The following LPIN1 variants were observed in gnomAD, a reference collection of about 807,000 sequenced individuals.
LPIN1 encodes lipin 1.
In LPIN1, 71 loss-of-function variants were observed where a neutral mutation model predicts 107.5. The observed-to-expected ratio is 0.66, with a 90% confidence interval of 0.55 to 0.80. The LOEUF is 0.80. LPIN1 is among the 30% of genes least tolerant of loss of function. The pLI, the probability that LPIN1 is intolerant of heterozygous loss-of-function variation, is 0.00. For synonymous variants in LPIN1, 445 were observed against 452.6 expected (o/e 0.98, Z 0.21); for missense variants, 1,043 against 1,160.6 (o/e 0.90, Z 1.47).
At chr2:11,727,568 T>C (rs142271119) in intron 1 of LPIN1, among the ~76,000 whole-genome samples, 3 of 152,160 alleles carry the variant, frequency 2.0e-5, no homozygotes, top group South Asian at 2.1e-4. Flanking sequence ...TCCCTCTCAG[T>C]GGAAAAGAGA....
Position 11,771,647 on chromosome 2 carries a change from G to C in LPIN1, c.564G>C (p.Ser188=), listed in dbSNP as rs149765431. Residue 188 remains serine, a synonymous_variant, in exon 4 of 21, where the codon TCG becomes TCC. Transcript: ENST00000674199. This position sits in a 1 kb window ranked among gnomAD's most constrained non-coding sequence, Gnocchi z 4.8. ...DEDMFPIEMS[S]DEAMELLESS... is the part of the protein sequence containing the mutation. ...ACATGTTCCCCATCGAGATGAGCTC[G>C]GATGAGGCCATGGAGCTGCTGGAGA... The C allele has an allele frequency of 9.4e-6, 15 of 1,599,348 alleles. No homozygotes were observed. The highest frequency in any genetic ancestry group is 1.2e-5 in the Non-Finnish European group (14 of 1,173,150).
At chr2:11,684,094 C>T (rs1009980819) in intron 1 of LPIN1, among the ~76,000 whole-genome samples, 47 of 152,210 alleles carry the variant, frequency 3.1e-4, no homozygotes, top group South Asian at 2.1e-4. Context: ...AGTCTGTGAA[C>T]CTCTGGCAGG....
At chr2:11,725,058 G>A (rs576543604) in intron 1 of LPIN1, among the ~76,000 whole-genome samples, 6 of 152,120 alleles carry the variant, frequency 3.9e-5, no homozygotes, top group East Asian at 1.9e-4. Flanking sequence ...TCAGGAGATC[G>A]AGACCATCCC....
rs139484953 is a variant in LPIN1 at position 11,749,286 on chromosome 2, A to G, written c.-10+2615A>G. Among the ~76,000 whole-genome samples, 593 of 152,248 alleles carry G rather than the reference A, an allele frequency of 3.9e-3. 5 individuals carry two copies. Among genetic ancestry groups the G allele is most frequent in the African/African-American group, 0.014 (577 of 41,548 alleles). ...AGGGTCTGGAGAGAGAGAGGGGCCC[A>G]TGCCTGTGTGTCGAGGGGACACACC... On this transcript the variant is annotated intron_variant, in intron 1 of 20. Coordinates refer to ENST00000674199, the MANE Select transcript of LPIN1 (RefSeq NM_001349206.2).
rs995013798 is a variant in LPIN1 at position 11,802,767 on chromosome 2, C to T, written c.1887-140C>T. The stretch of plus-strand genomic sequence containing the variant: ...AGTGAGAGTTCATTGATAAATTTAA[C>T]GTCTTATGGTAAATGACCACCCGAG... On this transcript the variant is annotated intron_variant, in intron 14 of 20. Transcript: ENST00000674199. The T allele has an allele frequency of 9.9e-6, 9 of 911,230 alleles. No individual in the cohort carries two copies. The East Asian group carries it at 1.7e-4, about 17-fold the overall frequency. 56.4% of individuals were successfully genotyped at this position (911,230 alleles called of 1,614,324 possible).
At chr2:11,799,302 C>T (rs999907630) in intron 14 of LPIN1, among the ~76,000 whole-genome samples, 1 of 152,074 alleles carries the variant, frequency 6.6e-6, no homozygotes, top group Non-Finnish European at 1.5e-5. Flanking sequence ...GCCTTGCCTC[C>T]TCATCCCGCC....
chr2:11,680,638 G>C (rs1400290313), intron 1 of LPIN1, among the ~76,000 whole-genome samples: 3 of 152,226 alleles, frequency 2.0e-5, no homozygotes, highest in Non-Finnish European at 4.4e-5. Flanking sequence ...GCTGACGGGG[G>C]TGGAGCTTTC....
intron 12 of LPIN1, among the ~76,000 whole-genome samples, chr2:11,789,202 A>T (rs6744682): frequency 0.43 from 64,852 of 152,186 alleles, 17,819 homozygotes; most frequent in African/African-American, 0.78. Flanking sequence ...CAGCCAGTTC[A>T]AACACTTGAG....
At chr2:11,778,618 TC>T in intron 6 of LPIN1, among the ~76,000 whole-genome samples, 1 of 152,204 alleles carries the variant, frequency 6.6e-6, no homozygotes, top group Non-Finnish European at 1.5e-5. Flanking sequence ...AAGCTTTATT[TC>T]CTGCTTTGTC....
At chr2:11,792,210 G>A (rs890849914) in intron 13 of LPIN1, 4 of 544,576 alleles carry the variant, frequency 7.3e-6, no homozygotes, top group African/African-American at 3.8e-5. Flanking sequence ...CAGCATAGGT[G>A]TCACCTCCTG....
At chr2:11,702,773 T>TCTGTCTCTCTGCCTCTCC (rs1662936992) in intron 1 of LPIN1, among the ~76,000 whole-genome samples, 1 of 152,328 alleles carries the variant, frequency 6.6e-6, no homozygotes, top group East Asian at 1.9e-4. Context: ...TCTGTCTCTC[T>TCTGTCTCTCTGCCTCTCC]CTGTCTCTCT....
At chr2:11,685,234 C>A (rs1166279971) in intron 1 of LPIN1, among the ~76,000 whole-genome samples, 2 of 152,126 alleles carry the variant, frequency 1.3e-5, no homozygotes, top group East Asian at 3.9e-4. Flanking sequence ...TTGAGGAATG[C>A]CAAGAGGCCA....
At chr2:11,779,727 C>A in intron 7 of LPIN1, 82 bp downstream of exon 7, 1 of 1,571,742 alleles carries the variant, frequency 6.4e-7, no homozygotes, top group Non-Finnish European at 8.7e-7. Flanking sequence ...ATAGCATAGC[C>A]AAGAAACACA....
rs1199295954 is a variant in LPIN1, at chr2:11,820,515, G to A, written c.2621+1G>A. ...AACATGCAAAGACCAACATCTCTTC[G>A]TGAGTATTGTACACATTTTATGTGA... On this transcript the variant is annotated splice_donor_variant, in intron 20 of 20. Transcript: ENST00000674199. LOFTEE classifies it high-confidence loss of function. 1.4e-5 allele frequency: 23 copies of A among 1,594,172 alleles called. 1 individual carries two copies. The African/African-American group carries it at 2.3e-4, about 16-fold the overall frequency.
chr2:11,706,877 AGG>A (rs1213609816), intron 1 of LPIN1, among the ~76,000 whole-genome samples: 1 of 152,298 alleles, frequency 6.6e-6, no homozygotes, highest in East Asian at 1.9e-4. Flanking sequence ...AATGATGTGC[AGG>A]TTTCTGGGTG....
At chr2:11,805,784 T>G (rs1678566200) in intron 17 of LPIN1, among the ~76,000 whole-genome samples, 1 of 152,234 alleles carries the variant, frequency 6.6e-6, no homozygotes, top group Admixed American at 6.5e-5. Flanking sequence ...CATTTCTGTA[T>G]TTAGATGAGT....
chr2:11,787,249 C>G (rs2148665218), intron 11 of LPIN1, 82 bp downstream of exon 11: 4 of 949,198 alleles, frequency 4.2e-6, no homozygotes, highest in Non-Finnish European at 6.9e-6. Flanking sequence ...AGACATTAAG[C>G]CTTAGAAATA....
chr2:11,770,329 C>T (rs1235979598), intron 3 of LPIN1, among the ~76,000 whole-genome samples: 3 of 152,124 alleles, frequency 2.0e-5, no homozygotes, highest in African/African-American at 7.2e-5. Context: ...TCTTAGGACC[C>T]CTGGGATGCT....
intron 1 of LPIN1, among the ~76,000 whole-genome samples, chr2:11,764,811 G>T (rs764701161): frequency 6.6e-6 from 1 of 152,252 alleles, no homozygotes; most frequent in Non-Finnish European, 1.5e-5. Flanking sequence ...CTACAGTCTT[G>T]AGATTTAGTG....
Sources: allele counts gnomAD v4.1 joint callset (sites outside exome capture counted in the v4.1 genomes callset), GRCh38; gene constraint gnomAD v4.1.1; non-coding constraint Gnocchi (gnomAD v3.1); transcripts MANE v1.5; gene names NCBI Gene and HGNC (gene_info 2026-07-23, HGNC 2026-07-21).